The following PLXNA3 variants were observed in gnomAD, a reference collection of about 807,000 sequenced individuals.
PLXNA3 encodes plexin A3, also known as plexin-A3.
Under a neutral mutation model 118.8 loss-of-function variants are expected in PLXNA3, and 52 were observed. That is an observed-to-expected ratio of 0.44 (90% confidence interval 0.35 to 0.55). The LOEUF (loss-of-function observed/expected upper bound fraction) is 0.55. Among genes scored for constraint, PLXNA3 ranks in the 20% least tolerant of loss-of-function variants. The pLI, the probability that PLXNA3 is intolerant of heterozygous loss-of-function variation, is 0.01. For missense variants in PLXNA3, 1,660 were observed against 1,730.8 expected (o/e 0.96, Z 0.73); for synonymous variants, 925 against 762.4 (o/e 1.21, Z -3.51).
chrX:154,466,740 C>T lies in PLXNA3; in HGVS notation c.3054C>T (p.Thr1018=), dbSNP rs1557207286. Residue 1018 remains threonine (T), a synonymous_variant, in exon 17 of 33, where the codon ACC becomes ACT. Transcript: ENST00000369682. ...ANISSPGLIY[T]YTQDPTVTRL... ...TCTCCAGCCCCGGGCTCATCTACAC[C>T]TACACTCAGGACCCCACCGTCACCC... is the stretch of plus-strand genomic sequence containing the variant. The T allele has an allele frequency of 8.4e-7, 1 of 1,196,849 alleles. No individual in the cohort carries two copies.
chrX:154,463,195 C>A (rs920100227), intron 4 of PLXNA3, among the ~76,000 whole-genome samples, 196 bp from the exon 5 acceptor site: 2 of 110,835 alleles, frequency 1.8e-5, no homozygotes, highest in African/African-American at 6.6e-5. Context: ...ACGAATCACT[C>A]CGTCCTTCTG....
chrX:154,471,062 C>A (rs1557209292), intron 30 of PLXNA3, 43 bp from the exon 31 acceptor site: 1 of 1,134,748 alleles, frequency 8.8e-7, no homozygotes, highest in African/African-American at 1.8e-5. Flanking sequence ...CCCCTTGGGG[C>A]TAACTAGGGA....
chrX:154,464,171 G>C lies in PLXNA3; in HGVS notation c.1686G>C (p.Leu562=). Residue 562 remains leucine (L), a synonymous_variant, in exon 8 of 33, where the codon CTG becomes CTC. Coordinates refer to ENST00000369682, the MANE Select transcript of PLXNA3 (RefSeq NM_017514.5). ...TSPGVQLTVT[L]HNVPDLSAGV... ...GCTTCCCCCAGCTGACCGTCACCCT[G>C]CACAACGTGCCAGACCTCAGTGCGG... The C allele has an allele frequency of 8.3e-7, 1 of 1,209,258 alleles. No individual in the cohort carries two copies. The highest frequency in any genetic ancestry group is 2.3e-4 in the Middle Eastern group (1 of 4,343).
chrX:154,466,476 C>G lies in PLXNA3; in HGVS notation c.2900C>G (p.Thr967Arg). The change falls in exon 16 of 33, where the codon ACA (threonine) becomes AGA (arginine). Residue 967 changes from threonine to arginine, a missense_variant. This residue lies in a region of PLXNA3 where 869 missense variants were observed against 1,078.7 expected (regional missense o/e 0.81). Transcript: ENST00000369682. ...GSSLDAGSRVTVTVRDSECQF... is the reference protein window; with the variant it reads ...GSSLDAGSRVRVTVRDSECQF... ...TCTCTGGATGCTGGCAGCAGGGTCA[C>G]AGTGACTGTGAGGGACAGCGAGTGC... is the stretch of plus-strand genomic sequence containing the variant. 3 of 1,210,502 alleles carry G rather than the reference C, an allele frequency of 2.5e-6. No individual in the cohort carries two copies. Among genetic ancestry groups the G allele is most frequent in the Non-Finnish European group, 3.4e-6 (3 of 895,047 alleles).
chrX:154,462,157 G>C lies in PLXNA3; in HGVS notation c.1164G>C (p.Gly388=), dbSNP rs1429646003. The change falls in exon 4 of 33, where the codon GGG becomes GGC. Residue 388 remains glycine (G), a synonymous_variant. Coordinates refer to ENST00000369682, the MANE Select transcript of PLXNA3 (RefSeq NM_017514.5). ...TGCAGATCAACGGCAACTTCTGTGG[G>C]CTGGTGTTGAACCAGCCTCTGGGAG... is the stretch of plus-strand genomic sequence containing the variant. ...TPMQINGNFC[G]LVLNQPLGGL... 1.7e-6 allele frequency: 2 copies of C among 1,200,603 alleles called. No individual in the cohort carries two copies. The highest frequency in any genetic ancestry group is 1.1e-6 in the Non-Finnish European group (1 of 890,481).
rs1314897313 is a variant in PLXNA3, at chrX:154,464,599, GCTAA to G, written c.1928+101_1928+104del. 22 of 781,229 alleles carry G rather than the reference GCTAA, an allele frequency of 2.8e-5. No homozygotes were observed. In the Admixed American group the frequency reaches 5.0e-4, roughly 18 times the overall value. The allele number at this position is 781,229 out of a possible 1,213,427, so 64.4% of individuals were successfully genotyped here. The stretch of plus-strand genomic sequence containing the variant: ...GGCAGCTGTTTCTGGGGCATCAGGG[GCTAA>G]CTGTCAGGCCCTGATAGCCCCTGAC... On this transcript the variant is annotated intron_variant, in intron 9 of 32. Transcript: ENST00000369682.
chrX:154,461,119 G>C lies in PLXNA3; in HGVS notation c.615G>C (p.Val205=). The change falls in exon 3 of 33, where the codon GTG becomes GTC. Residue 205 remains valine, a synonymous_variant. Coordinates refer to ENST00000369682, the MANE Select transcript of PLXNA3 (RefSeq NM_017514.5). ...CCCAGGTGTACCAGGATGAGTTTGT[G>C]TCCTCCCAGATCAAGATCCCCTCAG... is the stretch of plus-strand genomic sequence containing the variant. The part of the protein sequence containing the change: ...MFSLVYQDEF[V]SSQIKIPSDT... The C allele has an allele frequency of 8.3e-7, 1 of 1,202,052 alleles. No homozygotes were observed. The highest frequency in any genetic ancestry group is 1.1e-6 in the Non-Finnish European group (1 of 888,237).
At chrX:154,466,953 C>G in intron 17 of PLXNA3, 104 bp from the exon 18 acceptor site, 1 of 897,040 alleles carries the variant, frequency 1.1e-6, no homozygotes. Context: ...ACTAGGCGAT[C>G]CAGGGTCAGG....
At position 154,466,692 on chromosome X, in the gene PLXNA3, A is replaced by G; in HGVS notation, c.3006A>G (p.Thr1002=). Residue 1002 remains threonine (T), a synonymous_variant, in exon 17 of 33, where the codon ACA becomes ACG. Coordinates refer to ENST00000369682, the MANE Select transcript of PLXNA3 (RefSeq NM_017514.5). The part of the protein sequence containing the change: ...STLGPSQAPI[T]LAIDRANISS... Reference sequence around the variant, plus strand: ...TGGGCCCCAGCCAGGCCCCCATCACACTTGCCATTGACCGGGCTAACATCT... The same window carrying G: ...TGGGCCCCAGCCAGGCCCCCATCACGCTTGCCATTGACCGGGCTAACATCT... 2.5e-6 allele frequency: 3 copies of G among 1,201,114 alleles called. No homozygotes were observed. Among genetic ancestry groups the G allele is most frequent in the East Asian group, 6.0e-5 (2 of 33,296 alleles).
rs1342842815 is a variant in PLXNA3, at chrX:154,476,151, ATAAT to A, written c.*3467_*3470del. On this transcript the variant is annotated 3_prime_UTR_variant, in exon 33 of 33. Transcript: ENST00000369682. ...GCCAGACCCTGTATCAAAAAAAATA[ATAAT>A]AATTAAAAAACAAAAGATCGGCTGG... is the stretch of plus-strand genomic sequence containing the variant. 9.0e-6 allele frequency: 1 copy of A among 111,690 alleles called. No homozygotes were observed. The highest frequency in any genetic ancestry group is 1.9e-5 in the Non-Finnish European group (1 of 53,046). The allele number at this position is 111,690 out of a possible 1,213,427, so 9.2% of individuals were successfully genotyped here. A position where few individuals can be genotyped will look rare whatever the true frequency, so the allele number is the denominator to read the frequency against.
rs782135423 is a variant in PLXNA3 at position 154,464,086 on chromosome X, G to A, written c.1671+12G>A. 5 of 1,210,904 alleles carry A rather than the reference G, an allele frequency of 4.1e-6. No homozygotes were observed. The South Asian group carries it at 8.8e-5, about 21-fold the overall frequency. ...CACCTGGGGTGCAGGTGAGCAGCTT[G>A]GGGGTGCCCGGCTGGGTGTGCACAT... is the stretch of plus-strand genomic sequence containing the variant. On this transcript the variant is annotated intron_variant, in intron 7 of 32. Coordinates refer to ENST00000369682, the MANE Select transcript of PLXNA3 (RefSeq NM_017514.5).
At position 154,460,582 on chromosome X, in the gene PLXNA3, G is replaced by A. The variant is rs782087634; in HGVS notation, c.399G>A (p.Glu133=). 11 of 1,205,736 alleles carry A rather than the reference G, an allele frequency of 9.1e-6. No homozygotes were observed. The South Asian group carries it at 1.8e-4, about 20-fold the overall frequency. ...TGGACGACCTCTTCAAGCTGGGTGA[G>A]CCGCACCACCGCAAGGAGCACTACC... ...LRLDDLFKLG[E]PHHRKEHYLS... The change falls in exon 2 of 33, where the codon GAG becomes GAA. Residue 133 remains glutamate (E), a synonymous_variant. Transcript: ENST00000369682.
chrX:154,467,538 C>T lies in PLXNA3; in HGVS notation c.3442-7C>T. 1 of 1,173,663 alleles carries T rather than the reference C, an allele frequency of 8.5e-7. No individual in the cohort carries two copies. Among genetic ancestry groups the T allele is most frequent in the Non-Finnish European group, 1.1e-6 (1 of 876,610 alleles). ...AGTCCTGGGCTGAAGTTGTCCTCCACCCCCAGGGCAAGAACCTGATTCCCG... is the reference window on the plus strand; with the variant it reads ...AGTCCTGGGCTGAAGTTGTCCTCCATCCCCAGGGCAAGAACCTGATTCCCG... On this transcript the variant is annotated splice_region_variant and splice_polypyrimidine_tract_variant and intron_variant, in intron 19 of 32. Transcript: ENST00000369682.
Position 154,461,368 on chromosome X carries a change from G to A in PLXNA3, c.864G>A (p.Glu288=), listed in dbSNP as rs782600891. 4.1e-6 allele frequency: 5 copies of A among 1,212,003 alleles called. No homozygotes were observed. In the South Asian group the frequency reaches 7.0e-5, roughly 17 times the overall value. Reference sequence around the variant, plus strand: ...TCGGCTGCTCCTGGCGCGGCGTGGAGTACCGCTTGGTGCAGAGCGCCCACC... The same window carrying A: ...TCGGCTGCTCCTGGCGCGGCGTGGAATACCGCTTGGTGCAGAGCGCCCACC... The part of the protein sequence containing the change: ...FPIGCSWRGV[E]YRLVQSAHLA... Residue 288 remains glutamate, a synonymous_variant, in exon 3 of 33, where the codon GAG becomes GAA. Transcript: ENST00000369682.
intron 9 of PLXNA3, 85 bp downstream of exon 9, chrX:154,464,586 T>C: frequency 1.2e-6 from 1 of 856,400 alleles, no homozygotes; most frequent in African/African-American, 2.0e-5. Context: ...CAGCTGTTTC[T>C]GGGGCATCAG....
chrX:154,472,560 G>A (rs1557209805), intron 32 of PLXNA3, 30 bp from the exon 33 acceptor site: 1 of 1,064,898 alleles, frequency 9.4e-7, no homozygotes, highest in Admixed American at 2.2e-5. Flanking sequence ...CCCCTACAGA[G>A]CCCAGCTCCA....
chrX:154,468,988 G>A lies in PLXNA3; in HGVS notation c.4434+19G>A, dbSNP rs1557208451. 6.6e-6 allele frequency: 8 copies of A among 1,210,763 alleles called. No homozygotes were observed. Among genetic ancestry groups the A allele is most frequent in the East Asian group, 5.9e-5 (2 of 33,819 alleles). On this transcript the variant is annotated intron_variant, in intron 25 of 32. Transcript: ENST00000369682. ...GACACTGGTGAGCGCAGGGCCAGGC[G>A]GGCCAGAGGTAGGGGTGCAGAGAGA...
In PLXNA3 at chrX:154,467,974, T is replaced by G. The variant is rs782313420; in HGVS notation, c.3793T>G (p.Ser1265Ala). 2 of 1,209,237 alleles carry G rather than the reference T, an allele frequency of 1.7e-6. No homozygotes were observed. Among genetic ancestry groups the G allele is most frequent in the South Asian group, 3.5e-5 (2 of 56,914 alleles). ...GCAGCTGCAGATGGACAACCTGGAG[T>G]CCCGTGTGGCCCTGGAGTGCAAGGA... Reference protein sequence around the residue: ...RLQLQMDNLESRVALECKEAF... With the variant: ...RLQLQMDNLEARVALECKEAF... Residue 1265 changes from serine (S) to alanine (A), a missense_variant, in exon 21 of 33, where the codon TCC becomes GCC. Physicochemically the swap from Ser to Ala is moderately conservative, Grantham distance 99. Coordinates refer to ENST00000369682, the MANE Select transcript of PLXNA3 (RefSeq NM_017514.5).
chrX:154,469,530 A>G (rs782795057), intron 27 of PLXNA3, 48 bp downstream of exon 27: 2 of 1,046,633 alleles, frequency 1.9e-6, no homozygotes. Context: ...GGGAGCCAGG[A>G]CCCTGCCTTG....
Sources: allele counts gnomAD v4.1 joint callset (sites outside exome capture counted in the v4.1 genomes callset), GRCh38; gene constraint gnomAD v4.1.1; regional missense constraint gnomAD v4.1.1; transcripts MANE v1.5; gene names NCBI Gene and HGNC (gene_info 2026-07-23, HGNC 2026-07-21).